Variants in SPCS2 observed in about 807,000 individuals in gnomAD.
The protein encoded by SPCS2 is signal peptidase complex subunit 2.
In SPCS2, 3 loss-of-function variants were observed where a neutral mutation model predicts 22.3. The observed-to-expected ratio is 0.13, with a 90% CI of 0.06 to 0.35. SPCS2 has a LOEUF of 0.35. Among genes scored for constraint, SPCS2 ranks in the 10% least tolerant of loss-of-function variants. SPCS2 has a pLI of 1.00. For synonymous variants in SPCS2, 67 were observed against 97.2 expected (o/e 0.69, Z 1.83); for missense variants, 169 against 280.9 (o/e 0.60, Z 2.85).
chr11:74,963,408 C>T (rs954132911), intron 1 of SPCS2, among the ~76,000 whole-genome samples: 22 of 151,828 alleles, frequency 1.4e-4, no homozygotes, highest in African/African-American at 5.3e-4. Context: ...TAACAAACTT[C>T]ACAGAACAGG....
chr11:74,961,360 C>T (rs1948513195), intron 1 of SPCS2, among the ~76,000 whole-genome samples: 1 of 152,088 alleles, frequency 6.6e-6, no homozygotes, highest in Non-Finnish European at 1.5e-5. Context: ...AAATTATTTG[C>T]CCAGTGCCTT....
chr11:74,970,646 G>A (rs1483311540), intron 4 of SPCS2, among the ~76,000 whole-genome samples: 2 of 152,132 alleles, frequency 1.3e-5, no homozygotes, highest in Admixed American at 6.5e-5. Context: ...TTGTAGAAGC[G>A]CCTATGAGAA....
At chr11:74,973,380 G>T (rs2140221515) in intron 4 of SPCS2, among the ~76,000 whole-genome samples, 1 of 152,132 alleles carries the variant, frequency 6.6e-6, no homozygotes, top group South Asian at 2.1e-4. Flanking sequence ...CACATAGATG[G>T]TTATTCTAGT....
intron 1 of SPCS2, among the ~76,000 whole-genome samples, chr11:74,949,934 TA>T (rs1948348561): frequency 6.6e-6 from 1 of 152,192 alleles, no homozygotes; most frequent in African/African-American, 2.4e-5. Context: ...AAGAAGCCTT[TA>T]AGATTTTTCT....
chr11:74,976,933 A>G lies in SPCS2; in HGVS notation c.571A>G (p.Lys191Glu). 2.5e-6 allele frequency: 4 copies of G among 1,613,152 alleles called. No individual in the cohort carries two copies. Among genetic ancestry groups the G allele is most frequent in the Non-Finnish European group, 3.4e-6 (4 of 1,179,368 alleles). Residue 191 changes from lysine (K) to glutamate (E), a missense_variant, in exon 5 of 5, where the codon AAG becomes GAG. Lys to Glu is a moderately conservative substitution (Grantham distance 56, BLOSUM62 1). Around this residue, in one of 2 missense-constraint regions of SPCS2, gnomAD observed 118 missense variants for 243.1 expected, o/e 0.49. Transcript: ENST00000263672. ...TKQQREAEFT[K>E]SIAKFFDHSG... ...GCAGCAGCGGGAAGCCGAGTTCACAAAGTCCATTGCTAAGTTTTTTGACCA... is the reference window on the plus strand; with the variant it reads ...GCAGCAGCGGGAAGCCGAGTTCACAGAGTCCATTGCTAAGTTTTTTGACCA...
At chr11:74,968,126 A>G (rs1185050784) in intron 3 of SPCS2, 1 of 152,178 alleles carries the variant, frequency 6.6e-6, no homozygotes, top group East Asian at 1.9e-4. Context: ...TCTAAAGTCC[A>G]TATACTTTGT....
chr11:74,956,278 C>T (rs913496425), intron 1 of SPCS2, among the ~76,000 whole-genome samples: 3 of 152,102 alleles, frequency 2.0e-5, no homozygotes, highest in African/African-American at 7.2e-5. Flanking sequence ...TATTCTCAAC[C>T]TGGACCTTTC....
chr11:74,977,109 G>A lies in SPCS2; in HGVS notation c.*66G>A. 5 of 1,068,950 alleles carry A rather than the reference G, an allele frequency of 4.7e-6. No homozygotes were observed. The highest frequency in any genetic ancestry group is 6.6e-6 in the Non-Finnish European group (5 of 760,544). 66.2% of individuals were successfully genotyped at this position (1,068,950 alleles called of 1,614,324 possible). On this transcript the variant is annotated 3_prime_UTR_variant, in exon 5 of 5. Coordinates refer to ENST00000263672, the MANE Select transcript of SPCS2 (RefSeq NM_014752.3). ...AATTAGTGGCTTGGGGGGTGGGGGA[G>A]ATAAAAAGAACTTAAAATGGGTAAA... is the stretch of plus-strand genomic sequence containing the variant.
chr11:74,950,734 A>G (rs1406490736), intron 1 of SPCS2, among the ~76,000 whole-genome samples: 1 of 152,188 alleles, frequency 6.6e-6, no homozygotes, highest in African/African-American at 2.4e-5. Flanking sequence ...CTGTAGAGTC[A>G]GGGTCTTACT....
intron 1 of SPCS2, among the ~76,000 whole-genome samples, chr11:74,962,717 T>C (rs1021638753): frequency 2.0e-5 from 3 of 152,220 alleles, no homozygotes; most frequent in African/African-American, 7.2e-5. Context: ...TTCTCCATAC[T>C]GTAGTAGAGA....
At chr11:74,955,699 G>T (rs891211840) in intron 1 of SPCS2, among the ~76,000 whole-genome samples, 5 of 151,468 alleles carry the variant, frequency 3.3e-5, no homozygotes, top group African/African-American at 1.2e-4. Context: ...TATAGTGTGT[G>T]AACTATATCG....
chr11:74,976,720 C>A, intron 4 of SPCS2, 137 bp from the exon 5 acceptor site: 2 of 1,091,974 alleles, frequency 1.8e-6, no homozygotes, highest in Non-Finnish European at 2.6e-6. Flanking sequence ...TTTGCTTTTG[C>A]TTTTAAAGGA....
At position 74,969,604 on chromosome 11, in the gene SPCS2, A is replaced by G; in HGVS notation, c.399A>G (p.Ser133=). ...TGGGGATTCTGACCATTTATACCTCATATAAGGAGAAGAGCATCTTTCTCG... is the reference window on the plus strand; with the variant it reads ...TGGGGATTCTGACCATTTATACCTCGTATAAGGAGAAGAGCATCTTTCTCG... The part of the protein sequence containing the change: ...VMMGILTIYT[S]YKEKSIFLVA... The change falls in exon 4 of 5, where the codon TCA becomes TCG. Residue 133 remains serine, a synonymous_variant. Coordinates refer to ENST00000263672, the MANE Select transcript of SPCS2 (RefSeq NM_014752.3). The G allele has an allele frequency of 6.2e-7, 1 of 1,613,526 alleles. No individual in the cohort carries two copies. Among genetic ancestry groups the G allele is most frequent in the South Asian group, 1.1e-5 (1 of 91,078 alleles).
At position 74,957,517 on chromosome 11, in the gene SPCS2, A is replaced by G. The variant is rs1037602401; in HGVS notation, c.115-7517A>G. The stretch of plus-strand genomic sequence containing the variant: ...TCGCACATCTGTATCAATGTAGTAC[A>G]TTCCTAGCCAGTCTTCGTGCCTTAA... On this transcript the variant is annotated intron_variant, in intron 1 of 4. Transcript: ENST00000263672. Among the ~76,000 whole-genome samples, 129 of 152,294 alleles carry G rather than the reference A, an allele frequency of 8.5e-4. 1 individual carries two copies. The highest frequency in any genetic ancestry group is 1.0e-4 in the Non-Finnish European group (7 of 68,026).
At chr11:74,949,478 C>T (rs1591728374) in intron 1 of SPCS2, 79 bp downstream of exon 1, 1 of 1,275,624 alleles carries the variant, frequency 7.8e-7, no homozygotes, top group South Asian at 1.3e-5. Context: ...ATCCCGGTCT[C>T]CCTTATTTTC....
intron 1 of SPCS2, among the ~76,000 whole-genome samples, chr11:74,955,527 G>C (rs1022830741): frequency 6.6e-6 from 1 of 152,030 alleles, no homozygotes; most frequent in African/African-American, 2.4e-5. Context: ...ATTGTTGGCT[G>C]CCCGGGGATA....
At chr11:74,958,777 C>A (rs1948493671) in intron 1 of SPCS2, among the ~76,000 whole-genome samples, 1 of 152,154 alleles carries the variant, frequency 6.6e-6, no homozygotes, top group African/African-American at 2.4e-5. Flanking sequence ...CCTGCCAATT[C>A]TACCTCAGAA....
At position 74,969,583 on chromosome 11, in the gene SPCS2, G is replaced by C. The variant is rs772277387; in HGVS notation, c.378G>C (p.Gly126=). ...LCVISYFVMM[G]ILTIYTSYKE... is the part of the protein sequence containing the mutation. ...TTTGAACCTATTTTGTGATGATGGG[G>C]ATTCTGACCATTTATACCTCATATA... Residue 126 remains glycine, a synonymous_variant, in exon 4 of 5, where the codon GGG becomes GGC. Transcript: ENST00000263672. The C allele has an allele frequency of 6.2e-7, 1 of 1,613,374 alleles. No individual in the cohort carries two copies. The highest frequency in any genetic ancestry group is 8.5e-7 in the Non-Finnish European group (1 of 1,179,490).
chr11:74,950,841 C>T (rs187118697), intron 1 of SPCS2, among the ~76,000 whole-genome samples: 18 of 152,308 alleles, frequency 1.2e-4, no homozygotes, highest in African/African-American at 2.9e-4. Flanking sequence ...TCACCATGCA[C>T]CTGGCCTCAC....
Sources: allele counts gnomAD v4.1 joint callset (sites outside exome capture counted in the v4.1 genomes callset), GRCh38; gene constraint gnomAD v4.1.1; regional missense constraint gnomAD v4.1.1; transcripts MANE v1.5; gene names NCBI Gene and HGNC (gene_info 2026-07-23, HGNC 2026-07-21).